The following ADCY10 variants were observed in gnomAD, a reference collection of about 807,000 sequenced individuals.
ADCY10 encodes the protein adenylate cyclase type 10.
In ADCY10, 156 loss-of-function variants were observed where a neutral mutation model predicts 183.3. That is an observed-to-expected ratio of 0.85 (90% CI 0.75 to 0.97). The LOEUF (loss-of-function observed/expected upper bound fraction) is 0.97, where lower values mean the gene tolerates loss of function less well. ADCY10 is among the 50% of genes least tolerant of loss of function. ADCY10 has a pLI of 0.00. For missense variants in ADCY10, 1,745 were observed against 1,934.3 expected (o/e 0.90, Z 1.84); for synonymous variants, 645 against 670.0 (o/e 0.96, Z 0.58).
In ADCY10 at chr1:167,854,475, C is replaced by T. The variant is rs1392749835; in HGVS notation, c.2186G>A (p.Gly729Glu). Residue 729 changes from glycine (G) to glutamate (E), a missense_variant, in exon 18 of 33, where the codon GGA becomes GAA. By Grantham distance (98) the Gly-to-Glu change is moderately conservative. Transcript: ENST00000367851. ...SKELDSYLGE[G>E]SCGIPFYCEE... ...ACAGTAAAATGGAATCCCACAGCTTCCCTCCCCCAGGTACCTGTAGTGAAA... is the reference window on the plus strand; with the variant it reads ...ACAGTAAAATGGAATCCCACAGCTTTCCTCCCCCAGGTACCTGTAGTGAAA... The T allele has an allele frequency of 6.2e-7, 1 of 1,614,134 alleles. No individual in the cohort carries two copies. The highest frequency in any genetic ancestry group is 1.7e-5 in the Admixed American group (1 of 60,022).
intron 8 of ADCY10, among the ~76,000 whole-genome samples, chr1:167,888,035 G>A (rs906715993): frequency 6.6e-6 from 1 of 152,114 alleles, no homozygotes; most frequent in Non-Finnish European, 1.5e-5. Context: ...TTATTGAAGG[G>A]ATTGTCTTTT....
chr1:167,862,896 A>G (rs1666379982), intron 14 of ADCY10, among the ~76,000 whole-genome samples: 2 of 152,186 alleles, frequency 1.3e-5, no homozygotes. Context: ...CTGTTATTGA[A>G]TACCATACTA....
intron 1 of ADCY10, among the ~76,000 whole-genome samples, chr1:167,913,745 AAAGT>A (rs1304896984): frequency 6.6e-6 from 1 of 152,182 alleles, no homozygotes; most frequent in Non-Finnish European, 1.5e-5. Flanking sequence ...GCAAATAAAG[AAAGT>A]AAGCTAGAAA....
intron 17 of ADCY10, among the ~76,000 whole-genome samples, chr1:167,855,796 G>T (rs1476871912): frequency 6.6e-6 from 1 of 152,126 alleles, no homozygotes. Context: ...AGGATTGCTT[G>T]AGCCCAGGAG....
chr1:167,840,525 T>G (rs1664545580), intron 21 of ADCY10, among the ~76,000 whole-genome samples: 1 of 151,986 alleles, frequency 6.6e-6, no homozygotes. Flanking sequence ...CCTGGCTAAT[T>G]TTTTGTATTT....
At chr1:167,904,908 C>T in intron 2 of ADCY10, 85 bp downstream of exon 2, 1 of 1,593,938 alleles carries the variant, frequency 6.3e-7, no homozygotes, top group South Asian at 1.1e-5. Context: ...AATGGCCTCC[C>T]TACTCTGCAA....
In ADCY10 at chr1:167,820,589, T is replaced by C. The variant is rs1357138204; in HGVS notation, c.4286+1435A>G. 1.7e-5 allele frequency: 4 copies of C among 230,844 alleles called. No homozygotes were observed. In the East Asian group the frequency reaches 2.5e-4, roughly 15 times the overall value. 14.3% of individuals were successfully genotyped at this position (230,844 alleles called of 1,614,324 possible). ...AAGTTATTTGATTTTGAACTTTAATTGGCAAGAGTAATCAATTTTTGGATT... is the reference window on the plus strand; with the variant it reads ...AAGTTATTTGATTTTGAACTTTAATCGGCAAGAGTAATCAATTTTTGGATT... On this transcript the variant is annotated intron_variant, in intron 30 of 32. Coordinates refer to ENST00000367851, the MANE Select transcript of ADCY10 (RefSeq NM_018417.6).
intron 1 of ADCY10, among the ~76,000 whole-genome samples, chr1:167,909,824 TG>T (rs1317524503): frequency 6.6e-6 from 1 of 152,136 alleles, no homozygotes; most frequent in African/African-American, 2.4e-5. Flanking sequence ...AGGTAAGTGG[TG>T]GTGAGGAGAC....
At position 167,825,989 on chromosome 1, in the gene ADCY10, A is replaced by C. The variant is rs187380919; in HGVS notation, c.3751-1134T>G. Among the ~76,000 whole-genome samples the C allele has an allele frequency of 2.6e-3, 402 of 152,334 alleles. 1 individual carries two copies. Among genetic ancestry groups the C allele is most frequent in the Non-Finnish European group, 4.3e-3 (292 of 68,030 alleles). ...GTAAACTACTTTGAAAAATACAAACAGGAAAAATAAAGTATCTCTAGTGGT... is the reference window on the plus strand; with the variant it reads ...GTAAACTACTTTGAAAAATACAAACCGGAAAAATAAAGTATCTCTAGTGGT... On this transcript the variant is annotated intron_variant, in intron 26 of 32. Transcript: ENST00000367851.
At chr1:167,836,074 G>A (rs1362664805) in intron 23 of ADCY10, among the ~76,000 whole-genome samples, 1 of 152,134 alleles carries the variant, frequency 6.6e-6, no homozygotes, top group Non-Finnish European at 1.5e-5. Flanking sequence ...TTCATGGCAA[G>A]TTTCTAAAGG....
intron 9 of ADCY10, among the ~76,000 whole-genome samples, chr1:167,881,506 G>A (rs773753869): frequency 1.3e-5 from 2 of 152,206 alleles, no homozygotes; most frequent in Non-Finnish European, 2.9e-5. Flanking sequence ...TTCTAGGTAC[G>A]TGCAAAGAGG....
intron 7 of ADCY10, among the ~76,000 whole-genome samples, chr1:167,895,991 G>A (rs1668947591): frequency 6.6e-6 from 1 of 152,162 alleles, no homozygotes; most frequent in South Asian, 2.1e-4. Flanking sequence ...AAGGAAAAAG[G>A]AGAAGGTAGT....
In ADCY10 at chr1:167,846,031, A is replaced by G; in HGVS notation, c.2670T>C (p.Phe890=). 1.2e-6 allele frequency: 2 copies of G among 1,614,238 alleles called. No homozygotes were observed. The highest frequency in any genetic ancestry group is 3.3e-5 in the Admixed American group (2 of 60,030). Residue 890 remains phenylalanine (F), a synonymous_variant, in exon 20 of 33, where the codon TTT becomes TTC. Coordinates refer to ENST00000367851, the MANE Select transcript of ADCY10 (RefSeq NM_018417.6). ...QKALKQNDPS[F]EVHYRSLSLK... ...GAGACAAGGAACGATAGTGCACCTC[A>G]AATGAGGGATCATTCTGTTTCAGGG... is the stretch of plus-strand genomic sequence containing the variant.
At chr1:167,849,993 A>G (rs1446594714) in intron 18 of ADCY10, among the ~76,000 whole-genome samples, 1 of 152,152 alleles carries the variant, frequency 6.6e-6, no homozygotes, top group African/African-American at 2.4e-5. Context: ...CATGGAGGGC[A>G]TTAAACACCA....
intron 25 of ADCY10, among the ~76,000 whole-genome samples, chr1:167,832,125 A>G (rs569742001): frequency 6.6e-6 from 1 of 152,304 alleles, no homozygotes; most frequent in East Asian, 1.9e-4. Flanking sequence ...TCGTAGGAAT[A>G]GATGTTTGTA....
chr1:167,850,423 G>T (rs1458494883), intron 18 of ADCY10, among the ~76,000 whole-genome samples: 2 of 152,088 alleles, frequency 1.3e-5, no homozygotes, highest in Non-Finnish European at 1.5e-5. Context: ...TGAGGTTAGG[G>T]TTCGACACAC....
chr1:167,828,404 T>C lies in ADCY10; in HGVS notation c.3750+863A>G, dbSNP rs143797627. 6.8e-3 allele frequency among the ~76,000 whole-genome samples: 1,029 copies of C among 152,330 alleles called. 9 individuals are homozygous for C. Among genetic ancestry groups the C allele is most frequent in the African/African-American group, 0.023 (954 of 41,568 alleles). On this transcript the variant is annotated intron_variant, in intron 26 of 32. Coordinates refer to ENST00000367851, the MANE Select transcript of ADCY10 (RefSeq NM_018417.6). ...TAATTCTATCTTTTTAAAAAAGAATTATCCTTTAACATTTTTCTCTTTCAC... is the reference window on the plus strand; with the variant it reads ...TAATTCTATCTTTTTAAAAAAGAATCATCCTTTAACATTTTTCTCTTTCAC...
chr1:167,812,978 G>A (rs1296421637), intron 31 of ADCY10, among the ~76,000 whole-genome samples: 2 of 152,050 alleles, frequency 1.3e-5, no homozygotes, highest in South Asian at 2.1e-4. Context: ...AAAGATTGAA[G>A]AAAAGTTAAC....
chr1:167,852,214 G>A (rs372406808), intron 18 of ADCY10, among the ~76,000 whole-genome samples: 4 of 152,262 alleles, frequency 2.6e-5, no homozygotes, highest in South Asian at 2.1e-4. Context: ...AGCCCGAGGC[G>A]GGCAGATCAC....
Sources: allele counts gnomAD v4.1 joint callset (sites outside exome capture counted in the v4.1 genomes callset), GRCh38; gene constraint gnomAD v4.1.1; transcripts MANE v1.5; gene names NCBI Gene and HGNC (gene_info 2026-07-23, HGNC 2026-07-21).